Variants in CNIH3 observed in about 807,000 individuals in gnomAD.
CNIH3 encodes protein cornichon homolog 3.
Under a neutral mutation model 24.1 loss-of-function variants are expected in CNIH3, and 14 were observed. The ratio of observed to expected loss-of-function variants is 0.58; its 90% CI spans 0.38 to 0.91. The LOEUF (loss-of-function observed/expected upper bound fraction) is 0.91, where lower values mean the gene tolerates loss of function less well. CNIH3 is among the 40% of genes least tolerant of loss of function. The pLI is 0.00. For synonymous variants in CNIH3, 68 were observed against 73.8 expected, an observed-to-expected ratio of 0.92 and a Z score of 0.40; for missense variants, 178 against 196.8, an observed-to-expected ratio of 0.90 and a Z score of 0.57.
intron 1 of CNIH3, among the ~76,000 whole-genome samples, chr1:224,657,764 T>G (rs765965919): frequency 2.0e-5 from 3 of 152,148 alleles, no homozygotes; most frequent in Non-Finnish European, 4.4e-5. Context: ...TGAACTCCCC[T>G]AAAGAAGCAA....
At chr1:224,497,137 G>A (rs970371918) in intron 1 of CNIH3, among the ~76,000 whole-genome samples, 2 of 152,330 alleles carry the variant, frequency 1.3e-5, no homozygotes, top group Middle Eastern at 3.4e-3. Flanking sequence ...TACATTTTAT[G>A]ATTCCATTAA....
In CNIH3 at chr1:224,604,614, G is replaced by C. The variant is rs1225842980; in HGVS notation, n.402+38350G>C. Among the ~76,000 whole-genome samples the C allele has an allele frequency of 6.6e-6, 1 of 152,206 alleles. No individual in the cohort carries two copies. The highest frequency in any genetic ancestry group is 2.4e-5 in the African/African-American group (1 of 41,444). On this transcript the variant is annotated intron_variant and non_coding_transcript_variant, in intron 3 of 7. Transcript: ENST00000478120. This position sits in a 1 kb window ranked among gnomAD's most constrained non-coding sequence, Gnocchi z 4.4. ...GAGCCAGGGATGGGGCTCCCAGACT[G>C]TTTAGCTAGAGGAGAGCAGAAGGCC...
intron 1 of CNIH3, among the ~76,000 whole-genome samples, chr1:224,636,674 G>A (rs1340464245): frequency 7.2e-5 from 11 of 152,196 alleles, no homozygotes; most frequent in African/African-American, 2.4e-4. Flanking sequence ...CTTTACAGCT[G>A]TGTGTACTTA....
rs1020741125 is a variant in CNIH3 at position 224,575,438 on chromosome 1, T to C, written n.517-7726T>C. On this transcript the variant is annotated intron_variant and non_coding_transcript_variant, in intron 4 of 5. Coordinates refer to the CNIH3 transcript ENST00000471578. ...CAAGTGACCTATACCGTGTTTTCTG[T>C]CTCATTTTTTTTTTTCCTTGCAAAG... 15 of 866,194 alleles carry C rather than the reference T, an allele frequency of 1.7e-5. No homozygotes were observed. In the African/African-American group the frequency reaches 2.4e-4, roughly 14 times the overall value. 53.7% of individuals were successfully genotyped at this position (866,194 alleles called of 1,614,324 possible).
intron 1 of CNIH3, among the ~76,000 whole-genome samples, chr1:224,674,859 G>A (rs1572702217): frequency 6.6e-6 from 1 of 152,006 alleles, no homozygotes; most frequent in South Asian, 2.1e-4. Flanking sequence ...CATGTATATT[G>A]CATTATCTTA....
intron 1 of CNIH3, among the ~76,000 whole-genome samples, chr1:224,649,784 C>T (rs1280470149): frequency 6.6e-6 from 1 of 152,204 alleles, no homozygotes; most frequent in Non-Finnish European, 1.5e-5. Flanking sequence ...AGTATTTACA[C>T]CTGTGAGGAT....
chr1:224,512,651 CTTGT>C (rs1337536987), upstream of CNIH3, among the ~76,000 whole-genome samples: 4 of 151,990 alleles, frequency 2.6e-5, no homozygotes, highest in African/African-American at 4.8e-5. Context: ...GGCTTTAAAC[CTTGT>C]TTGTTTTTAA....
intron 3 of CNIH3, among the ~76,000 whole-genome samples, chr1:224,698,333 C>T (rs978014765): frequency 5.9e-5 from 9 of 152,146 alleles, no homozygotes; most frequent in African/African-American, 1.9e-4. Flanking sequence ...CAATGATCAC[C>T]GATTATAGCA....
At chr1:224,529,020 C>A (rs1678955670) in intron 2 of CNIH3, among the ~76,000 whole-genome samples, 1 of 152,136 alleles carries the variant, frequency 6.6e-6, no homozygotes, top group African/African-American at 2.4e-5. Flanking sequence ...GACTGTGTAC[C>A]ATTTGGGGGA....
chr1:224,656,771 C>T (rs1376994470), intron 1 of CNIH3, among the ~76,000 whole-genome samples: 9 of 152,262 alleles, frequency 5.9e-5, no homozygotes, highest in Admixed American at 5.9e-4. Flanking sequence ...TGGAGAGGCG[C>T]ATCTGTAGGG....
downstream of CNIH3, among the ~76,000 whole-genome samples, chr1:224,538,335 G>GC: frequency 6.6e-6 from 1 of 152,126 alleles, no homozygotes; most frequent in Non-Finnish European, 1.5e-5. Flanking sequence ...TCCCATAAGA[G>GC]TCTCAGGAAT....
chr1:224,724,563 C>T (rs1304566598), intron 3 of CNIH3, among the ~76,000 whole-genome samples: 2 of 152,176 alleles, frequency 1.3e-5, no homozygotes, highest in Non-Finnish European at 2.9e-5. Context: ...TGTTTTAGGG[C>T]CAGTTTAGTA....
At chr1:224,517,187 T>C (rs1572398331) in intron 1 of CNIH3, among the ~76,000 whole-genome samples, 1 of 152,110 alleles carries the variant, frequency 6.6e-6, no homozygotes, top group Non-Finnish European at 1.5e-5. Flanking sequence ...TTGGCGGCGG[T>C]GGTGGGATGA....
intron 3 of CNIH3, among the ~76,000 whole-genome samples, chr1:224,559,213 A>C (rs970566408): frequency 2.0e-5 from 3 of 152,166 alleles, no homozygotes; most frequent in Admixed American, 6.5e-5. Flanking sequence ...TTTGGGTTCT[A>C]GGCAGACAGT....
intron 2 of CNIH3, among the ~76,000 whole-genome samples, chr1:224,535,735 G>A (rs1371514096): frequency 6.6e-6 from 1 of 152,188 alleles, no homozygotes; most frequent in Non-Finnish European, 1.5e-5. Context: ...AGGATGCAAG[G>A]GAGGGCTGCT....
intron 3 of CNIH3, among the ~76,000 whole-genome samples, chr1:224,692,533 G>T (rs139723140): frequency 2.0e-5 from 3 of 152,138 alleles, no homozygotes; most frequent in Non-Finnish European, 2.9e-5. Flanking sequence ...CATCCTTGAC[G>T]CAGAAGTTTT....
At chr1:224,522,266 G>C (rs1318291198) in intron 2 of CNIH3, among the ~76,000 whole-genome samples, 1 of 152,160 alleles carries the variant, frequency 6.6e-6, no homozygotes, top group East Asian at 1.9e-4. Flanking sequence ...TGGTAACTGA[G>C]AGCCAGACAA....
At chr1:224,640,630 C>T (rs1421531233) in intron 1 of CNIH3, among the ~76,000 whole-genome samples, 8 of 149,604 alleles carry the variant, frequency 5.3e-5, no homozygotes, top group Admixed American at 5.3e-4. Context: ...AGTTTCTGTG[C>T]CCAGTGTCTG....
rs964231339 is a variant in CNIH3, at chr1:224,579,067, C to T, written n.517-4097C>T. On this transcript the variant is annotated intron_variant and non_coding_transcript_variant, in intron 4 of 5. Transcript: ENST00000471578. The stretch of plus-strand genomic sequence containing the variant: ...CCTGAACTGATCATGTTTCTTTTTT[C>T]TTTTTTTTTTTTTCTTTCTGTTTTC... 3.5e-3 allele frequency among the ~76,000 whole-genome samples: 482 copies of T among 138,740 alleles called. 1 individual carries two copies. The highest frequency in any genetic ancestry group is 0.01 in the African/African-American group (383 of 37,590). 91.0% of individuals were successfully genotyped at this position (138,740 alleles called of 152,430 possible).
Sources: allele counts gnomAD v4.1 joint callset (sites outside exome capture counted in the v4.1 genomes callset), GRCh38; gene constraint gnomAD v4.1.1; non-coding constraint Gnocchi (gnomAD v3.1); transcripts MANE v1.5; gene names NCBI Gene and HGNC (gene_info 2026-07-23, HGNC 2026-07-21).